The following VTI1B variants were observed in gnomAD, a reference collection of about 807,000 sequenced individuals.
VTI1B encodes the protein vesicle transport through interaction with t-SNAREs homolog 1B.
A neutral mutation model predicts 28.6 loss-of-function variants in VTI1B; 18 were observed. The ratio of observed to expected loss-of-function variants is 0.63; its 90% confidence interval spans 0.43 to 0.93. The LOEUF is 0.93. VTI1B is among the 40% of genes least tolerant of loss of function. The pLI is 0.00. For missense variants in VTI1B, 283 were observed against 297.0 expected, an observed-to-expected ratio of 0.95 and a Z score of 0.35; for synonymous variants, 100 against 107.9, an observed-to-expected ratio of 0.93 and a Z score of 0.46.
intron 1 of VTI1B, among the ~76,000 whole-genome samples, chr14:67,665,281 G>C (rs1246503109): frequency 8.0e-5 from 9 of 112,030 alleles, no homozygotes; most frequent in African/African-American, 2.9e-4. Flanking sequence ...TTTTTTTTGA[G>C]ACAGTCTCAC....
intron 1 of VTI1B, among the ~76,000 whole-genome samples, chr14:67,663,542 T>C (rs894918446): frequency 5.3e-5 from 8 of 151,638 alleles, no homozygotes; most frequent in Non-Finnish European, 1.2e-4. Flanking sequence ...GGTGTGGTGG[T>C]GGGCGCCTGT....
chr14:67,659,454 A>G (rs1191912443), intron 3 of VTI1B, among the ~76,000 whole-genome samples: 1 of 152,206 alleles, frequency 6.6e-6, no homozygotes, highest in Admixed American at 6.5e-5. Flanking sequence ...TTTACATTCT[A>G]CTACATACAA....
intron 4 of VTI1B, among the ~76,000 whole-genome samples, chr14:67,654,083 G>A (rs2037222851): frequency 6.6e-6 from 1 of 152,112 alleles, no homozygotes; most frequent in South Asian, 2.1e-4. Flanking sequence ...AGTGGCCTTG[G>A]TAAGCTGACC....
chr14:67,658,047 C>T (rs769742085), intron 3 of VTI1B, among the ~76,000 whole-genome samples: 5 of 152,146 alleles, frequency 3.3e-5, no homozygotes, highest in East Asian at 1.9e-4. Flanking sequence ...CTGTGCCCGG[C>T]GCTCTGTAGC....
chr14:67,663,470 G>A (rs902362357), intron 1 of VTI1B, among the ~76,000 whole-genome samples: 30 of 152,016 alleles, frequency 2.0e-4, no homozygotes, highest in African/African-American at 6.7e-4. Flanking sequence ...TCAGGAGATC[G>A]AGACCATCCT....
At chr14:67,655,232 C>T (rs1433165113) in intron 4 of VTI1B, among the ~76,000 whole-genome samples, 1 of 151,814 alleles carries the variant, frequency 6.6e-6, no homozygotes. Context: ...CGCAGCTACA[C>T]ATGAGGATCA....
rs565466843 is a variant in VTI1B at position 67,672,069 on chromosome 14, T to C, written c.115+2306A>G. Reference sequence around the variant, plus strand: ...TGTTCTTTTGCATTATTTAGACTTATAGAAATGGGCATTGCAAAAATTAAT... The same window carrying C: ...TGTTCTTTTGCATTATTTAGACTTACAGAAATGGGCATTGCAAAAATTAAT... On this transcript the variant is annotated intron_variant, in intron 1 of 5. Coordinates refer to ENST00000554659, the MANE Select transcript of VTI1B (RefSeq NM_006370.3). Among the ~76,000 whole-genome samples, 14 of 152,282 alleles carry C rather than the reference T, an allele frequency of 9.2e-5. 1 individual carries two copies. In the East Asian group the frequency reaches 1.5e-3, roughly 17 times the overall value.
intron 3 of VTI1B, among the ~76,000 whole-genome samples, 185 bp downstream of exon 3, chr14:67,659,545 CT>C (rs2037309205): frequency 6.6e-6 from 1 of 151,148 alleles, no homozygotes; most frequent in South Asian, 2.1e-4. Flanking sequence ...TTCGAAAGGC[CT>C]GCCTTAAATA....
chr14:67,669,924 C>T (rs989890138), intron 1 of VTI1B, among the ~76,000 whole-genome samples: 10 of 152,080 alleles, frequency 6.6e-5, no homozygotes, highest in African/African-American at 2.4e-4. Flanking sequence ...ACATGGGAGA[C>T]CCTTACTAAA....
chr14:67,659,807 C>A lies in VTI1B; in HGVS notation c.290G>T (p.Ser97Ile). ...DLAKLHREVR[S>I]TPLTATPGGR... ...TCCAGGTGTGGCTGTCAAAGGTGTG[C>A]TTCTCACCTCCCGATGGAGTTTAGC... The change falls in exon 3 of 6, where the codon AGC (serine) becomes ATC (isoleucine). Residue 97 changes from serine (S) to isoleucine (I), a missense_variant. Transcript: ENST00000554659. The A allele has an allele frequency of 6.2e-7, 1 of 1,614,116 alleles. No homozygotes were observed. Among genetic ancestry groups the A allele is most frequent in the Non-Finnish European group, 8.5e-7 (1 of 1,180,024 alleles).
rs1367058754 is a variant in VTI1B at position 67,648,281 on chromosome 14, CAG to C, written c.*3102_*3103del. 14 of 1,399,930 alleles carry C rather than the reference CAG, an allele frequency of 1.0e-5. No homozygotes were observed. The Admixed American group carries it at 1.9e-4, about 19-fold the overall frequency. The allele number at this position is 1,399,930 out of a possible 1,614,324, so 86.7% of individuals were successfully genotyped here. A position where few individuals can be genotyped will look rare whatever the true frequency, so the allele number is the denominator to read the frequency against. ...TCTTTTCTGCTATTCCACATCATTG[CAG>C]AGTTTGTTTTTGCTTAAACTTTTGT... On this transcript the variant is annotated 3_prime_UTR_variant, in exon 6 of 6. Transcript: ENST00000554659.
At position 67,648,326 on chromosome 14, in the gene VTI1B, C is replaced by A; in HGVS notation, c.*3059G>T. ...ACTTTTGTAGCTAAAAATTATATGG[C>A]CATGCTAATAAAAAGGATATAGTCC... is the stretch of plus-strand genomic sequence containing the variant. On this transcript the variant is annotated 3_prime_UTR_variant, in exon 6 of 6. Coordinates refer to ENST00000554659, the MANE Select transcript of VTI1B (RefSeq NM_006370.3). 1 of 888,382 alleles carries A rather than the reference C, an allele frequency of 1.1e-6. No individual in the cohort carries two copies. The highest frequency in any genetic ancestry group is 2.7e-5 in the East Asian group (1 of 36,998). 55.0% of individuals were successfully genotyped at this position (888,382 alleles called of 1,614,324 possible). A position where few individuals can be genotyped will look rare whatever the true frequency, so the allele number is the denominator to read the frequency against.
chr14:67,648,337 A>T lies in VTI1B; in HGVS notation c.*3048T>A, dbSNP rs1372042024. 5.1e-6 allele frequency: 4 copies of T among 791,450 alleles called. No homozygotes were observed. Among genetic ancestry groups the T allele is most frequent in the Admixed American group, 3.2e-5 (1 of 31,438 alleles). The allele number at this position is 791,450 out of a possible 1,614,324, so 49.0% of individuals were successfully genotyped here. A position where few individuals can be genotyped will look rare whatever the true frequency, so the allele number is the denominator to read the frequency against. On this transcript the variant is annotated 3_prime_UTR_variant, in exon 6 of 6. Coordinates refer to ENST00000554659, the MANE Select transcript of VTI1B (RefSeq NM_006370.3). Reference sequence around the variant, plus strand: ...TAAAAATTATATGGCCATGCTAATAAAAAGGATATAGTCCTTTAGAGTCAT... The same window carrying T: ...TAAAAATTATATGGCCATGCTAATATAAAGGATATAGTCCTTTAGAGTCAT...
intron 1 of VTI1B, among the ~76,000 whole-genome samples, chr14:67,670,160 A>G (rs1594842020): frequency 6.6e-6 from 1 of 152,196 alleles, no homozygotes; most frequent in South Asian, 2.1e-4. Flanking sequence ...AGTCCCCTGT[A>G]CCCAGATTCT....
chr14:67,651,493 A>AGCAAAGTGGGGAGTAGTCAGAAGT lies in VTI1B; in HGVS notation c.603-36_603-13dup, dbSNP rs1566809021. 8 of 1,613,050 alleles carry AGCAAAGTGGGGAGTAGTCAGAAGT rather than the reference A, an allele frequency of 5.0e-6. No individual in the cohort carries two copies. Among genetic ancestry groups the AGCAAAGTGGGGAGTAGTCAGAAGT allele is most frequent in the Admixed American group, 1.7e-5 (1 of 59,952 alleles). On this transcript the variant is annotated splice_polypyrimidine_tract_variant and intron_variant, in intron 5 of 5. Transcript: ENST00000554659. The stretch of plus-strand genomic sequence containing the variant: ...TGTTGGTTGTCACTCTACAAAGAGA[A>AGCAAAGTGGGGAGTAGTCAGAAGT]GCAAAGTGGGGAGTAGTCAGAAGTT...
In VTI1B at chr14:67,672,590, C is replaced by T. The variant is rs145004347; in HGVS notation, c.115+1785G>A. Among the ~76,000 whole-genome samples the T allele has an allele frequency of 3.3e-5, 5 of 151,534 alleles. No homozygotes were observed. In the East Asian group the frequency reaches 5.9e-4, roughly 18 times the overall value. Reference sequence around the variant, plus strand: ...CCTGAGTAGCTGGGACTACAGGCAACTGACACCATGCCCGGCTAATTTTTG... The same window carrying T: ...CCTGAGTAGCTGGGACTACAGGCAATTGACACCATGCCCGGCTAATTTTTG... On this transcript the variant is annotated intron_variant, in intron 1 of 5. Coordinates refer to ENST00000554659, the MANE Select transcript of VTI1B (RefSeq NM_006370.3).
At position 67,674,411 on chromosome 14, in the gene VTI1B, C is replaced by G; in HGVS notation, c.79G>C (p.Gly27Arg). The G allele has an allele frequency of 6.2e-7, 1 of 1,607,356 alleles. No homozygotes were observed. The highest frequency in any genetic ancestry group is 2.2e-5 in the East Asian group (1 of 44,526). Residue 27 changes from glycine to arginine, a missense_variant, in exon 1 of 6, where the codon GGG (glycine) becomes CGG (arginine). Coordinates refer to ENST00000554659, the MANE Select transcript of VTI1B (RefSeq NM_006370.3). ...IFRGLHEDLQ[G>R]VPERLLGTAG... Reference sequence around the variant, plus strand: ...GTCCCCAGCAGCCGCTCGGGCACCCCTTGTAGGTCTTCATGGAGGCCGCGG... The same window carrying G: ...GTCCCCAGCAGCCGCTCGGGCACCCGTTGTAGGTCTTCATGGAGGCCGCGG...
At chr14:67,671,558 G>T (rs1265606287) in intron 1 of VTI1B, among the ~76,000 whole-genome samples, 1 of 152,182 alleles carries the variant, frequency 6.6e-6, no homozygotes, top group African/African-American at 2.4e-5. Flanking sequence ...AAAAAGAAAA[G>T]AAATTCACAT....
At position 67,651,346 on chromosome 14, in the gene VTI1B, G is replaced by C. The variant is rs759327698; in HGVS notation, c.*39C>G. 3 of 1,612,242 alleles carry C rather than the reference G, an allele frequency of 1.9e-6. No individual in the cohort carries two copies. The highest frequency in any genetic ancestry group is 2.5e-6 in the Non-Finnish European group (3 of 1,178,944). ...CATCCCTAACATCATGCATTCACAA[G>C]GTCAAAGTTCTGGTCCACAAACCCT... On this transcript the variant is annotated 3_prime_UTR_variant, in exon 6 of 6. Transcript: ENST00000554659.
Sources: allele counts gnomAD v4.1 joint callset (sites outside exome capture counted in the v4.1 genomes callset), GRCh38; gene constraint gnomAD v4.1.1; transcripts MANE v1.5; gene names NCBI Gene and HGNC (gene_info 2026-07-23, HGNC 2026-07-21).